The following CCDC146 variants were observed in gnomAD, a reference collection of about 807,000 sequenced individuals.
CCDC146 encodes the protein coiled-coil domain-containing protein 146.
In CCDC146, 92 loss-of-function variants were observed where a neutral mutation model predicts 119.3. The ratio of observed to expected loss-of-function variants is 0.77; its 90% CI spans 0.65 to 0.92. CCDC146 has a LOEUF of 0.92. Among genes scored for constraint, CCDC146 ranks in the 40% least tolerant of loss-of-function variants. CCDC146 has a pLI of 0.00. For missense variants in CCDC146, 1,000 were observed against 1,103.0 expected, an observed-to-expected ratio of 0.91 and a Z score of 1.32; for synonymous variants, 372 against 371.8, an observed-to-expected ratio of 1.00 and a Z score of -0.01.
At chr7:77,144,764 AG>A (rs1790989002) in intron 1 of CCDC146, among the ~76,000 whole-genome samples, 1 of 151,844 alleles carries the variant, frequency 6.6e-6, no homozygotes, top group South Asian at 2.1e-4. Flanking sequence ...CCAGGGATGA[AG>A]TCCACTTGAT....
Position 77,280,625 on chromosome 7 carries a change from G to A in CCDC146, c.1891G>A (p.Glu631Lys), listed in dbSNP as rs1793745430. The change falls in exon 14 of 19, where the codon GAA (glutamate) becomes AAA (lysine). Residue 631 changes from glutamate to lysine, a missense_variant. Coordinates refer to ENST00000285871, the MANE Select transcript of CCDC146 (RefSeq NM_020879.3). ...GATGGTGCAGCTTCGCAAAAGATAC[G>A]AAAAAGCTGTTCAGCATCGAAATGA... ...EEMVQLRKRY[E>K]KAVQHRNESG... 1.9e-6 allele frequency: 3 copies of A among 1,613,078 alleles called. No homozygotes were observed. The highest frequency in any genetic ancestry group is 2.5e-6 in the Non-Finnish European group (3 of 1,179,538).
rs373805139 is a variant in CCDC146, at chr7:77,282,553, A to T, written c.1920-4A>T. The T allele has an allele frequency of 5.3e-5, 84 of 1,593,052 alleles. No homozygotes were observed. The highest frequency in any genetic ancestry group is 6.8e-5 in the Non-Finnish European group (80 of 1,168,268). On this transcript the variant is annotated splice_region_variant and splice_polypyrimidine_tract_variant and intron_variant, in intron 14 of 18. Transcript: ENST00000285871. ...TTAGCCTCTGCCTCTGAATTTGACC[A>T]TAGTGGCGTTCAGCTGATAGAGCGG...
chr7:77,156,935 T>C (rs890268438), intron 1 of CCDC146, among the ~76,000 whole-genome samples: 1 of 149,160 alleles, frequency 6.7e-6, no homozygotes, highest in Admixed American at 6.7e-5. Context: ...ACTGACAGAA[T>C]TGAAGGCACT....
Position 77,161,986 on chromosome 7 carries a change from T to TA in CCDC146, c.-11-5670dup, listed in dbSNP as rs546661517. 1.6e-4 allele frequency among the ~76,000 whole-genome samples: 25 copies of TA among 152,242 alleles called. 1 individual carries two copies. The East Asian group carries it at 3.7e-3, about 22-fold the overall frequency. ...CTATTCAGCTCCATTACCCATTTTT[T>TA]AATGGGATTATTTGAGTTGTTGCTA... is the stretch of plus-strand genomic sequence containing the variant. On this transcript the variant is annotated intron_variant, in intron 1 of 18. Transcript: ENST00000285871.
intron 2 of CCDC146, among the ~76,000 whole-genome samples, chr7:77,187,956 G>C: frequency 6.6e-6 from 1 of 152,190 alleles, no homozygotes; most frequent in Non-Finnish European, 1.5e-5. Context: ...GCCAATCCCA[G>C]CGGCCGTACT....
chr7:77,245,615 G>A (rs1364140704), intron 4 of CCDC146, among the ~76,000 whole-genome samples: 19 of 152,172 alleles, frequency 1.2e-4, no homozygotes. Context: ...CTTGGTGACT[G>A]TCTACTCTCC....
intron 7 of CCDC146, among the ~76,000 whole-genome samples, chr7:77,259,751 A>T (rs1379629374): frequency 1.3e-5 from 2 of 152,148 alleles, no homozygotes; most frequent in Non-Finnish European, 2.9e-5. Context: ...GCAAATTGGG[A>T]TCTGCACAGA....
intron 1 of CCDC146, among the ~76,000 whole-genome samples, chr7:77,132,782 AATT>A (rs929046820): frequency 1.3e-5 from 2 of 152,114 alleles, no homozygotes; most frequent in African/African-American, 4.8e-5. Flanking sequence ...AAACAAATAA[AATT>A]AAGCAGTGTA....
intron 17 of CCDC146, 29 bp from the exon 18 acceptor site, chr7:77,292,923 A>G (rs1259863818): frequency 1.2e-6 from 2 of 1,607,822 alleles, no homozygotes; most frequent in South Asian, 1.1e-5. Flanking sequence ...CTGTATACAT[A>G]GACTAAGCTT....
At chr7:77,261,241 C>G (rs369550941) in intron 8 of CCDC146, among the ~76,000 whole-genome samples, 25 of 152,136 alleles carry the variant, frequency 1.6e-4, no homozygotes, top group African/African-American at 5.5e-4. Flanking sequence ...AGCCTAGTAC[C>G]TATTATTTTT....
In CCDC146 at chr7:77,237,027, G is replaced by A; in HGVS notation, c.237G>A (p.Met79Ile). 1 of 1,613,064 alleles carries A rather than the reference G, an allele frequency of 6.2e-7. No homozygotes were observed. The highest frequency in any genetic ancestry group is 8.5e-7 in the Non-Finnish European group (1 of 1,179,014). Reference sequence around the variant, plus strand: ...ATACCTTGCTGCATGACGCCGTGATGAGGTATGCAATTTACCAATATGGAG... The same window carrying A: ...ATACCTTGCTGCATGACGCCGTGATAAGGTATGCAATTTACCAATATGGAG... ...AKYTLLHDAV[M>I]STQESEVQLL... Residue 79 changes from methionine to isoleucine, a missense_variant and splice_region_variant, in exon 3 of 19, where the codon ATG becomes ATA. Physicochemically the swap from Met to Ile is conservative, Grantham distance 10 (BLOSUM62 1). Coordinates refer to ENST00000285871, the MANE Select transcript of CCDC146 (RefSeq NM_020879.3).
chr7:77,131,384 T>G (rs1232681671), intron 1 of CCDC146, among the ~76,000 whole-genome samples: 1 of 151,952 alleles, frequency 6.6e-6, no homozygotes, highest in Non-Finnish European at 1.5e-5. Flanking sequence ...TGCTCAGTAA[T>G]AAAAAGTGAC....
intron 1 of CCDC146, among the ~76,000 whole-genome samples, chr7:77,153,739 A>T (rs1243012124): frequency 6.7e-6 from 1 of 149,050 alleles, no homozygotes; most frequent in Middle Eastern, 3.4e-3. Flanking sequence ...TTTGGAAAAC[A>T]GTTTGGCAGT....
At chr7:77,234,327 A>G (rs548878208) in intron 2 of CCDC146, among the ~76,000 whole-genome samples, 1 of 152,264 alleles carries the variant, frequency 6.6e-6, no homozygotes, top group Non-Finnish European at 1.5e-5. Context: ...ACCAATGAAA[A>G]TGTTTGAAAC....
intron 9 of CCDC146, among the ~76,000 whole-genome samples, chr7:77,271,513 G>GATAGATATATAT (rs1793515424): frequency 1.4e-5 from 1 of 71,380 alleles, no homozygotes; most frequent in Non-Finnish European, 2.6e-5. Flanking sequence ...ACTAATAGGA[G>GATAGATATATAT]ATATATATAT....
At chr7:77,263,133 G>A (rs948201854) in intron 9 of CCDC146, among the ~76,000 whole-genome samples, 1 of 152,180 alleles carries the variant, frequency 6.6e-6, no homozygotes, top group African/African-American at 2.4e-5. Context: ...AGACACCTCT[G>A]ATCCTAACCT....
At chr7:77,266,944 T>C (rs1793416020) in intron 9 of CCDC146, among the ~76,000 whole-genome samples, 1 of 151,630 alleles carries the variant, frequency 6.6e-6, no homozygotes, top group Non-Finnish European at 1.5e-5. Flanking sequence ...AAATGCCAGC[T>C]CCCTCCATTT....
chr7:77,198,294 T>C (rs1791914101), intron 2 of CCDC146: 1 of 985,326 alleles, frequency 1.0e-6, no homozygotes, highest in Admixed American at 6.1e-5. Flanking sequence ...ATCTCCGCCC[T>C]GTCCTTTCAA....
At chr7:77,271,349 G>A (rs774158009) in intron 9 of CCDC146, among the ~76,000 whole-genome samples, 167 of 151,276 alleles carry the variant, frequency 1.1e-3, no homozygotes, top group Non-Finnish European at 2.0e-3. Flanking sequence ...TCCTGCCCTC[G>A]AACATCGGAC....
Sources: gnomAD v4.1 joint callset for allele counts (sites outside exome capture counted in the v4.1 genomes callset) on GRCh38, gnomAD v4.1.1 for gene constraint, MANE v1.5 for transcripts, NCBI Gene and HGNC (gene_info 2026-07-23, HGNC 2026-07-21) for gene names.